The following CSMD1 variants were observed in gnomAD, a reference collection of about 807,000 sequenced individuals.
CSMD1 encodes CUB and sushi domain-containing protein 1.
A neutral mutation model predicts 417.5 loss-of-function variants in CSMD1; 213 were observed. The ratio of observed to expected loss-of-function variants is 0.51; its 90% CI spans 0.46 to 0.57. The LOEUF (loss-of-function observed/expected upper bound fraction) is 0.57, where lower values mean the gene tolerates loss of function less well. CSMD1 is among the 20% of genes least tolerant of loss of function. The probability of loss-of-function intolerance (pLI) is 0.00; values close to 1 mark genes in which losing one functional copy is unlikely to be tolerated. For missense variants in CSMD1, 6,923 were observed against 4,529.7 expected (o/e 1.53, Z -15.17); for synonymous variants, 2,862 against 1,736.8 (o/e 1.65, Z -16.11).
At chr8:4,247,094 C>G (rs993441089) in intron 3 of CSMD1, among the ~76,000 whole-genome samples, 1 of 152,152 alleles carries the variant, frequency 6.6e-6, no homozygotes, top group Non-Finnish European at 1.5e-5. Context: ...GTTGTACGGT[C>G]TAGTGAAGAA....
At chr8:4,220,765 A>G (rs1036832789) in intron 3 of CSMD1, among the ~76,000 whole-genome samples, 1 of 152,214 alleles carries the variant, frequency 6.6e-6, no homozygotes, top group Non-Finnish European at 1.5e-5. Flanking sequence ...GGTGGAGAAT[A>G]TGGGGCCACC....
chr8:3,169,574 T>C (rs931259215), intron 37 of CSMD1, among the ~76,000 whole-genome samples: 2 of 152,110 alleles, frequency 1.3e-5, no homozygotes, highest in Admixed American at 6.5e-5. Context: ...GATGTGAACA[T>C]TGTAGAGATT....
chr8:3,761,916 T>C (rs1027349582), intron 5 of CSMD1, among the ~76,000 whole-genome samples: 5 of 151,890 alleles, frequency 3.3e-5, no homozygotes, highest in African/African-American at 7.2e-5. Context: ...TCTGGCTCTC[T>C]TTTTTCTGGG....
At position 3,771,955 on chromosome 8, in the gene CSMD1, G is replaced by T. The variant is rs73658251; in HGVS notation, c.819-17913C>A. Among the ~76,000 whole-genome samples the T allele has an allele frequency of 4.6e-3, 695 of 152,042 alleles. 2 individuals carry two copies. Among genetic ancestry groups the T allele is most frequent in the African/African-American group, 0.016 (647 of 41,446 alleles). Reference sequence around the variant, plus strand: ...CTCAACAAGCCGTGTAATGTCTACTGGCATTCAGCAATTACAGCATTTATC... The same window carrying T: ...CTCAACAAGCCGTGTAATGTCTACTTGCATTCAGCAATTACAGCATTTATC... On this transcript the variant is annotated intron_variant, in intron 5 of 69. Transcript: ENST00000635120.
chr8:3,995,438 A>G (rs145312502), intron 5 of CSMD1, among the ~76,000 whole-genome samples: 6 of 152,324 alleles, frequency 3.9e-5, no homozygotes, highest in East Asian at 1.9e-4. Flanking sequence ...TTACCCCGAC[A>G]GTTACCTGTT....
At chr8:3,998,869 A>G (rs1345728422) in intron 4 of CSMD1, among the ~76,000 whole-genome samples, 1 of 150,070 alleles carries the variant, frequency 6.7e-6, no homozygotes, top group Non-Finnish European at 1.5e-5. Context: ...AACTATATAT[A>G]GTTGATATAT....
chr8:4,863,821 T>C (rs966211500), intron 1 of CSMD1, among the ~76,000 whole-genome samples: 1 of 152,106 alleles, frequency 6.6e-6, no homozygotes, highest in African/African-American at 2.4e-5. Flanking sequence ...GAAAATCCTT[T>C]AGGAAAAAGA....
intron 31 of CSMD1, among the ~76,000 whole-genome samples, chr8:3,205,098 A>T (rs1383409980): frequency 6.6e-6 from 1 of 152,240 alleles, no homozygotes; most frequent in South Asian, 2.1e-4. Context: ...GATTTCGATC[A>T]TGATCTGGTT....
chr8:3,679,557 G>C (rs887708043), intron 7 of CSMD1, among the ~76,000 whole-genome samples: 4 of 152,138 alleles, frequency 2.6e-5, no homozygotes, highest in African/African-American at 9.7e-5. Context: ...GACCTACAGA[G>C]AGACTTAGAC....
chr8:4,746,567 A>G (rs1379852011), intron 1 of CSMD1, among the ~76,000 whole-genome samples: 2 of 152,204 alleles, frequency 1.3e-5, no homozygotes, highest in Admixed American at 6.5e-5. Context: ...CCAAGTGAGA[A>G]TGAAGGAATG....
At chr8:3,786,206 G>T (rs12716599) in intron 5 of CSMD1, among the ~76,000 whole-genome samples, 1 of 151,924 alleles carries the variant, frequency 6.6e-6, no homozygotes, top group Non-Finnish European at 1.5e-5. Context: ...CTGTTATTTT[G>T]GGCACGTTGG....
At chr8:4,923,504 A>G (rs1419019715) in intron 1 of CSMD1, among the ~76,000 whole-genome samples, 2 of 148,250 alleles carry the variant, frequency 1.3e-5, no homozygotes, top group Non-Finnish European at 3.0e-5. Context: ...CTCTCTAAAT[A>G]TAAATAAACA....
In CSMD1 at chr8:4,623,174, C is replaced by T. The variant is rs73659178; in HGVS notation, c.302+14168G>A. 5.1e-3 allele frequency among the ~76,000 whole-genome samples: 781 copies of T among 152,066 alleles called. 8 individuals carry two copies. The highest frequency in any genetic ancestry group is 0.017 in the African/African-American group (702 of 41,458). On this transcript the variant is annotated intron_variant, in intron 2 of 69. Coordinates refer to ENST00000635120, the MANE Select transcript of CSMD1 (RefSeq NM_033225.6). The stretch of plus-strand genomic sequence containing the variant: ...GAAGACAAAAGTTGCAGTGAAGATG[C>T]GCAAAATATTTTAACAGATACTTCA...
At chr8:4,660,009 T>C (rs551474557) in intron 1 of CSMD1, among the ~76,000 whole-genome samples, 1 of 150,960 alleles carries the variant, frequency 6.6e-6, no homozygotes, top group South Asian at 2.1e-4. Flanking sequence ...CTTGTAACTA[T>C]AATTATACTT....
At chr8:4,021,239 C>T (rs924091719) in intron 4 of CSMD1, among the ~76,000 whole-genome samples, 4 of 152,174 alleles carry the variant, frequency 2.6e-5, no homozygotes, top group African/African-American at 9.7e-5. Flanking sequence ...TTTTGAAAAT[C>T]AAAATACTTC....
intron 2 of CSMD1, among the ~76,000 whole-genome samples, chr8:4,428,959 C>T (rs1797715982): frequency 1.3e-5 from 2 of 152,078 alleles, no homozygotes; most frequent in Admixed American, 1.3e-4. Context: ...AGTGATCCAC[C>T]TGCCTCATCC....
intron 52 of CSMD1, 80 bp from the exon 53 acceptor site, chr8:3,000,211 G>T: frequency 1.0e-6 from 1 of 974,040 alleles, no homozygotes; most frequent in Non-Finnish European, 1.5e-6. Flanking sequence ...TTATTATCAA[G>T]TCAATAACAG....
At chr8:4,954,048 C>T (rs1442582614) in intron 1 of CSMD1, among the ~76,000 whole-genome samples, 1 of 152,100 alleles carries the variant, frequency 6.6e-6, no homozygotes, top group Non-Finnish European at 1.5e-5. Flanking sequence ...GAATTGAGTG[C>T]TTTTCTTTCT....
intron 3 of CSMD1, among the ~76,000 whole-genome samples, chr8:4,164,839 G>A (rs1191260404): frequency 6.6e-6 from 1 of 150,734 alleles, no homozygotes; most frequent in South Asian, 2.1e-4. Flanking sequence ...TTGTGCCACT[G>A]CACTCCAAGC....
Sources: allele counts gnomAD v4.1 joint callset (sites outside exome capture counted in the v4.1 genomes callset), GRCh38; gene constraint gnomAD v4.1.1; transcripts MANE v1.5; gene names NCBI Gene and HGNC (gene_info 2026-07-23, HGNC 2026-07-21).